TNS1: variants seen among roughly 807,000 people sequenced by gnomAD.
TNS1 encodes the protein tensin-1.
TNS1 carries 62 observed loss-of-function variants against 168.6 expected under a neutral mutation model. The observed-to-expected ratio is 0.37, with a 90% CI of 0.30 to 0.45. The LOEUF is 0.45. TNS1 is among the 20% of genes least tolerant of loss of function. TNS1 has a pLI of 1.00. For synonymous variants in TNS1, 934 were observed against 933.2 expected (o/e 1.00, Z -0.02); for missense variants, 2,240 against 2,339.4 (o/e 0.96, Z 0.88).
intron 2 of TNS1, among the ~76,000 whole-genome samples, chr2:217,981,786 CCT>C (rs1958056757): frequency 6.6e-6 from 1 of 152,316 alleles, no homozygotes; most frequent in African/African-American, 2.4e-5. Flanking sequence ...AGTATGTCCT[CCT>C]CTCTAACGTG....
intron 3 of TNS1, among the ~76,000 whole-genome samples, chr2:217,936,239 T>C (rs1275618710): frequency 6.6e-6 from 1 of 152,100 alleles, no homozygotes; most frequent in Non-Finnish European, 1.5e-5. Flanking sequence ...GCTACTGTGT[T>C]CCAGGTCAGA....
At chr2:217,933,499 C>T (rs1956434187) in intron 3 of TNS1, among the ~76,000 whole-genome samples, 1 of 152,186 alleles carries the variant, frequency 6.6e-6, no homozygotes, top group South Asian at 2.1e-4. Context: ...AACACATCAG[C>T]ACCGCCAACA....
At chr2:217,843,784 C>A (rs754187131) in intron 19 of TNS1, among the ~76,000 whole-genome samples, 3 of 152,150 alleles carry the variant, frequency 2.0e-5, no homozygotes, top group Admixed American at 6.5e-5. Flanking sequence ...CCCTTTACAG[C>A]CTCTACCTCC....
chr2:217,931,027 G>A (rs1230506355), intron 3 of TNS1, among the ~76,000 whole-genome samples: 1 of 152,140 alleles, frequency 6.6e-6, no homozygotes, highest in African/African-American at 2.4e-5. Context: ...GAGACCACGT[G>A]TTCACTCAAC....
chr2:217,947,020 C>G (rs1376914559), intron 3 of TNS1, among the ~76,000 whole-genome samples: 2 of 150,118 alleles, frequency 1.3e-5, no homozygotes, highest in African/African-American at 5.0e-5. Flanking sequence ...CTGAACAAGT[C>G]TGCTCAGCCC....
At chr2:217,809,348 C>CATGG (rs1940086815) in intron 30 of TNS1, among the ~76,000 whole-genome samples, 1 of 24,310 alleles carries the variant, frequency 4.1e-5, no homozygotes, top group Non-Finnish European at 7.6e-5. Context: ...TGGATGGATG[C>CATGG]ATGGATGGAT....
intron 3 of TNS1, among the ~76,000 whole-genome samples, chr2:217,935,464 C>G (rs1956556410): frequency 6.6e-6 from 1 of 152,216 alleles, no homozygotes; most frequent in Non-Finnish European, 1.5e-5. Flanking sequence ...TGGCTCGCCT[C>G]TGCTCTCCCA....
chr2:217,866,300 C>T (rs1949265344), intron 18 of TNS1, among the ~76,000 whole-genome samples: 1 of 152,306 alleles, frequency 6.6e-6, no homozygotes, highest in East Asian at 1.9e-4. Context: ...TAGGTGATCC[C>T]TAAAGTCCTG....
At chr2:217,936,428 T>C (rs537543277) in intron 3 of TNS1, among the ~76,000 whole-genome samples, 1 of 152,202 alleles carries the variant, frequency 6.6e-6, no homozygotes, top group East Asian at 1.9e-4. Flanking sequence ...AGGGGCCTCC[T>C]TGGCCTCCCA....
Position 217,810,257 on chromosome 2 carries a change from G to C in TNS1, c.5095C>G (p.Gln1699Glu), listed in dbSNP as rs1251102367. 6.2e-7 allele frequency: 1 copy of C among 1,613,962 alleles called. No individual in the cohort carries two copies. Among genetic ancestry groups the C allele is most frequent in the Non-Finnish European group, 8.5e-7 (1 of 1,180,024 alleles). ...PANSTADLLKQGAACNVLFVN... is the reference protein window; with the variant it reads ...PANSTADLLKEGAACNVLFVN... ...TCAGGTGACCACTCACCTGCCCCTT[G>C]TTTCAGCAGGTCTGCAGTTGAGTTG... The change falls in exon 29 of 33, where the codon CAA becomes GAA. Residue 1699 changes from glutamine (Q) to glutamate (E), a missense_variant. By Grantham distance (29) the Gln-to-Glu change is conservative. Around this residue, in one of 2 missense-constraint regions of TNS1, gnomAD observed 2,131 missense variants for 2,171.2 expected, o/e 0.98. Coordinates refer to ENST00000682258, the MANE Select transcript of TNS1 (RefSeq NM_001387777.1).
chr2:217,822,161 C>T (rs1250275670), intron 22 of TNS1, among the ~76,000 whole-genome samples: 1 of 152,168 alleles, frequency 6.6e-6, no homozygotes, highest in Non-Finnish European at 1.5e-5. Flanking sequence ...AAATGGATCC[C>T]AGGCCCCGCC....
chr2:217,813,147 T>C lies in TNS1; in HGVS notation c.4954+68A>G, dbSNP rs745384399. On this transcript the variant is annotated intron_variant, in intron 27 of 32. Coordinates refer to ENST00000682258, the MANE Select transcript of TNS1 (RefSeq NM_001387777.1). The surrounding 1 kb of genome is among the most constrained non-coding windows in gnomAD (Gnocchi z 4.0). Reference sequence around the variant, plus strand: ...CAGAAAGAACTTGGGGTCAGACCCCTGGAGGAACCCAGGACAGGACCAAGA... The same window carrying C: ...CAGAAAGAACTTGGGGTCAGACCCCCGGAGGAACCCAGGACAGGACCAAGA... 28 of 1,233,378 alleles carry C rather than the reference T, an allele frequency of 2.3e-5. No homozygotes were observed. Among genetic ancestry groups the C allele is most frequent in the Non-Finnish European group, 3.2e-5 (27 of 855,496 alleles). 76.4% of individuals were successfully genotyped at this position (1,233,378 alleles called of 1,614,324 possible).
intron 4 of TNS1, among the ~76,000 whole-genome samples, chr2:217,918,877 G>C (rs1042006527): frequency 3.9e-5 from 6 of 152,220 alleles, no homozygotes; most frequent in Non-Finnish European, 8.8e-5. Context: ...CCCTCCACTG[G>C]GCTCCGTATG....
At chr2:217,843,755 C>A (rs1329877382) in intron 19 of TNS1, among the ~76,000 whole-genome samples, 1 of 152,140 alleles carries the variant, frequency 6.6e-6, no homozygotes, top group Non-Finnish European at 1.5e-5. Context: ...CTGCCACCAC[C>A]CGAACACTCA....
chr2:217,964,789 C>T (rs1388029939), intron 3 of TNS1, among the ~76,000 whole-genome samples: 2 of 152,172 alleles, frequency 1.3e-5, no homozygotes, highest in African/African-American at 2.4e-5. Flanking sequence ...CGCTTGGGTG[C>T]GCCGGGCCGC....
At chr2:218,021,607 G>A (rs769463215) in intron 1 of TNS1, among the ~76,000 whole-genome samples, 8 of 152,158 alleles carry the variant, frequency 5.3e-5, no homozygotes, top group Non-Finnish European at 1.2e-4. Context: ...GGTGGATCCC[G>A]GCACCCCACG....
chr2:217,910,986 C>T (rs1954340794), intron 4 of TNS1, among the ~76,000 whole-genome samples: 1 of 152,288 alleles, frequency 6.6e-6, no homozygotes, highest in Admixed American at 6.5e-5. Flanking sequence ...CCCCAGCCAT[C>T]CTGCTGGCAG....
At chr2:218,027,047 G>C (rs981397510) in intron 1 of TNS1, among the ~76,000 whole-genome samples, 1 of 152,048 alleles carries the variant, frequency 6.6e-6, no homozygotes, top group East Asian at 1.9e-4. Flanking sequence ...CCGGCTTCTG[G>C]GGGCCCACGA....
In TNS1 at chr2:217,880,702, C is replaced by T. The variant is rs560975550; in HGVS notation, c.1429+196G>A. Among the ~76,000 whole-genome samples the T allele has an allele frequency of 4.6e-5, 7 of 152,150 alleles. No homozygotes were observed. Among genetic ancestry groups the T allele is most frequent in the Non-Finnish European group, 1.0e-4 (7 of 68,014 alleles). On this transcript the variant is annotated intron_variant, in intron 18 of 32. Transcript: ENST00000682258. This position sits in a 1 kb window ranked among gnomAD's most constrained non-coding sequence, Gnocchi z 4.2. ...TTTTGCTGCCTTCTTTGGCTCTGTC[C>T]TCACTTTTATTTAATACATTCATAT...
Sources: gnomAD v4.1 joint callset for allele counts (sites outside exome capture counted in the v4.1 genomes callset) on GRCh38, gnomAD v4.1.1 for gene constraint, gnomAD v4.1.1 regional missense constraint, Gnocchi (gnomAD v3.1) non-coding constraint, MANE v1.5 for transcripts, NCBI Gene and HGNC (gene_info 2026-07-23, HGNC 2026-07-21) for gene names.